Variants in ENOX1 observed in about 807,000 individuals in gnomAD.
The protein encoded by ENOX1 is ecto-NOX disulfide-thiol exchanger 1, also known as candidate growth-related and time keeping constitutive hydroquinone (NADH) oxidase.
In ENOX1, 42 loss-of-function variants were observed where a neutral mutation model predicts 82.5. The observed-to-expected ratio is 0.51, with a 90% confidence interval of 0.40 to 0.66. The LOEUF (loss-of-function observed/expected upper bound fraction) is 0.66. Ranked by LOEUF, ENOX1 falls within the 30% of genes least tolerant of loss-of-function variation. ENOX1 has a pLI of 0.00. For missense variants in ENOX1, 608 were observed against 811.6 expected (o/e 0.75, Z 3.05); for synonymous variants, 271 against 282.2 (o/e 0.96, Z 0.40).
At chr13:43,536,822 CT>C (rs2078480899) in intron 2 of ENOX1, among the ~76,000 whole-genome samples, 1 of 152,162 alleles carries the variant, frequency 6.6e-6, no homozygotes, top group Non-Finnish European at 1.5e-5. Flanking sequence ...TATATTTGTC[CT>C]GTATCTAAAT....
intron 12 of ENOX1, among the ~76,000 whole-genome samples, chr13:43,289,570 T>C (rs2153500127): frequency 6.6e-6 from 1 of 152,258 alleles, no homozygotes. Context: ...ACAAAAATTA[T>C]TAACTCAAAA....
At position 43,743,672 on chromosome 13, in the gene ENOX1, C is replaced by T. The variant is rs777920888; in HGVS notation, c.-285+42980G>A. Among the ~76,000 whole-genome samples, 4 of 152,174 alleles carry T rather than the reference C, an allele frequency of 2.6e-5. No homozygotes were observed. In the South Asian group the frequency reaches 8.3e-4, roughly 31 times the overall value. ...GTAAAGCAGGATAAGTACTGCAACACACAGGGAAGAAATGAAATCACGAAG... is the reference window on the plus strand; with the variant it reads ...GTAAAGCAGGATAAGTACTGCAACATACAGGGAAGAAATGAAATCACGAAG... On this transcript the variant is annotated intron_variant, in intron 1 of 16. Coordinates refer to ENST00000690772, the MANE Select transcript of ENOX1 (RefSeq NM_001347969.2).
intron 9 of ENOX1, among the ~76,000 whole-genome samples, chr13:43,341,306 A>AG: frequency 6.6e-6 from 1 of 151,878 alleles, no homozygotes; most frequent in East Asian, 1.9e-4. Context: ...AAAAAAAAAA[A>AG]AGAGAGAGAT....
chr13:43,468,254 T>C (rs1413834762), intron 3 of ENOX1, among the ~76,000 whole-genome samples: 2 of 151,314 alleles, frequency 1.3e-5, no homozygotes, highest in Non-Finnish European at 2.9e-5. Flanking sequence ...TGATCTCGGC[T>C]CACTGCAACC....
intron 2 of ENOX1, among the ~76,000 whole-genome samples, chr13:43,508,420 A>G (rs2077251066): frequency 6.6e-6 from 1 of 151,960 alleles, no homozygotes. Context: ...GAAGAAACAA[A>G]TTTCTGTTCT....
chr13:43,350,741 G>A (rs941066379), intron 8 of ENOX1, among the ~76,000 whole-genome samples: 15 of 152,152 alleles, frequency 9.9e-5, no homozygotes, highest in African/African-American at 3.4e-4. Context: ...CACTACGCCC[G>A]GCTGGTGTTT....
At chr13:43,431,537 A>T (rs947975445) in intron 3 of ENOX1, among the ~76,000 whole-genome samples, 1 of 152,188 alleles carries the variant, frequency 6.6e-6, no homozygotes, top group African/African-American at 2.4e-5. Flanking sequence ...TTGATAAATT[A>T]GTCATCCATG....
At chr13:43,490,332 C>T (rs191720763) in intron 2 of ENOX1, among the ~76,000 whole-genome samples, 1 of 152,202 alleles carries the variant, frequency 6.6e-6, no homozygotes, top group Non-Finnish European at 1.5e-5. Context: ...ATGAATTATG[C>T]CTTGAGTCTC....
chr13:43,439,041 CT>C (rs61212622), intron 3 of ENOX1, among the ~76,000 whole-genome samples: 17,994 of 120,042 alleles, frequency 0.15, 967 homozygotes, highest in East Asian at 0.26. Flanking sequence ...GTCTTTTAAT[CT>C]TTTTTTTTTT....
intron 3 of ENOX1, among the ~76,000 whole-genome samples, chr13:43,470,377 C>A (rs74507311): frequency 3.7e-5 from 1 of 27,038 alleles, no homozygotes; most frequent in African/African-American, 1.3e-4. Context: ...TATATATATA[C>A]ATATATATAC....
chr13:43,590,567 G>A (rs1400604758), intron 2 of ENOX1, among the ~76,000 whole-genome samples: 5 of 151,912 alleles, frequency 3.3e-5, no homozygotes, highest in Admixed American at 3.3e-4. Flanking sequence ...GAGGTCAGGA[G>A]ATCGAGACCA....
intron 3 of ENOX1, among the ~76,000 whole-genome samples, chr13:43,466,617 G>C (rs961397088): frequency 6.6e-6 from 1 of 151,916 alleles, no homozygotes; most frequent in African/African-American, 2.4e-5. Flanking sequence ...AAAAATTATA[G>C]AGTACAACTT....
intron 9 of ENOX1, among the ~76,000 whole-genome samples, chr13:43,343,303 T>A (rs2049174158): frequency 6.6e-6 from 1 of 152,220 alleles, no homozygotes; most frequent in African/African-American, 2.4e-5. Flanking sequence ...CTAATAACCT[T>A]AGAGTTTCTA....
chr13:43,401,342 C>G (rs961873036), intron 5 of ENOX1, among the ~76,000 whole-genome samples: 7 of 152,162 alleles, frequency 4.6e-5, no homozygotes, highest in African/African-American at 1.4e-4. Context: ...TTTTCAGATA[C>G]TGTACAACAA....
intron 1 of ENOX1, among the ~76,000 whole-genome samples, chr13:43,718,619 G>A (rs1333900725): frequency 7.0e-6 from 1 of 142,712 alleles, no homozygotes; most frequent in African/African-American, 2.7e-5. Flanking sequence ...GGAGCTTGCA[G>A]TGAGCCAAGA....
At chr13:43,509,103 T>C (rs1398861659) in intron 2 of ENOX1, among the ~76,000 whole-genome samples, 2 of 152,046 alleles carry the variant, frequency 1.3e-5, no homozygotes, top group African/African-American at 2.4e-5. Flanking sequence ...CTTCTACACA[T>C]TCTACTCTGT....
chr13:43,615,238 A>G (rs1172459034), intron 2 of ENOX1, among the ~76,000 whole-genome samples: 1 of 152,288 alleles, frequency 6.6e-6, no homozygotes, highest in Non-Finnish European at 1.5e-5. Context: ...TATTCTTTGT[A>G]TTTTAATAAA....
At chr13:43,567,935 A>T (rs1252742637) in intron 2 of ENOX1, among the ~76,000 whole-genome samples, 1 of 152,202 alleles carries the variant, frequency 6.6e-6, no homozygotes, top group Non-Finnish European at 1.5e-5. Flanking sequence ...TTCTAGCCAG[A>T]CTGCTCTCTA....
At chr13:43,766,919 A>G (rs890926375) in intron 1 of ENOX1, among the ~76,000 whole-genome samples, 1 of 151,962 alleles carries the variant, frequency 6.6e-6, no homozygotes, top group African/African-American at 2.4e-5. Flanking sequence ...AGCTCACCCA[A>G]AGAGATTCAC....
Sources: allele counts gnomAD v4.1 joint callset (sites outside exome capture counted in the v4.1 genomes callset), GRCh38; gene constraint gnomAD v4.1.1; transcripts MANE v1.5; gene names NCBI Gene and HGNC (gene_info 2026-07-23, HGNC 2026-07-21).